The following DNASE1 variants were observed in gnomAD, a reference collection of about 807,000 sequenced individuals.
The protein encoded by DNASE1 is deoxyribonuclease 1.
In DNASE1, 40 loss-of-function variants were observed where a neutral mutation model predicts 33.9. That is an observed-to-expected ratio of 1.18 (90% CI 0.92 to 1.54). The LOEUF is 1.54. DNASE1 is among the 40% of genes most tolerant of loss of function. The pLI is 0.00. For synonymous variants in DNASE1, 216 were observed against 160.0 expected (o/e 1.35, Z -2.64); for missense variants, 518 against 372.6 (o/e 1.39, Z -3.21).
chr16:3,645,465 C>T (rs559710575), intron 1 of DNASE1, among the ~76,000 whole-genome samples: 8 of 152,248 alleles, frequency 5.3e-5, no homozygotes, highest in South Asian at 4.1e-4. Flanking sequence ...ACTCAGGCTG[C>T]GGGTGTGCTA....
chr16:3,625,227 G>T (rs1327319542), intron 1 of DNASE1, among the ~76,000 whole-genome samples: 2 of 152,120 alleles, frequency 1.3e-5, no homozygotes, highest in Non-Finnish European at 2.9e-5. Flanking sequence ...AATTGCTTGA[G>T]CCCTGGAGGC....
At chr16:3,656,213 C>A in intron 4 of DNASE1, 28 bp downstream of exon 4, 1 of 1,608,994 alleles carries the variant, frequency 6.2e-7, no homozygotes, top group Non-Finnish European at 8.5e-7. Flanking sequence ...CCAGGAAGCC[C>A]CTCCCTCACC....
At chr16:3,661,872 CAT>C (rs2043095810), downstream of DNASE1, 7 of 1,338,340 alleles carry the variant, frequency 5.2e-6, no homozygotes, top group Non-Finnish European at 6.9e-6. Flanking sequence ...TAGTTACCCA[CAT>C]GTCCACAGGC....
downstream of DNASE1, chr16:3,658,945 A>C (rs576115451): frequency 1.4e-6 from 2 of 1,438,744 alleles, no homozygotes; most frequent in African/African-American, 1.4e-5. Flanking sequence ...GATTATCAGG[A>C]TATTTAAAGA....
chr16:3,661,627 C>G (rs1473860063), downstream of DNASE1: 1 of 225,144 alleles, frequency 4.4e-6, no homozygotes, highest in Non-Finnish European at 8.6e-6. Flanking sequence ...GGGCAACCCT[C>G]ATGCCAAGTG....
At chr16:3,643,844 C>A (rs1274970286) in intron 1 of DNASE1, among the ~76,000 whole-genome samples, 1 of 152,194 alleles carries the variant, frequency 6.6e-6, no homozygotes. Context: ...TCACTGCAAG[C>A]TCTGCCATCC....
At chr16:3,624,490 CT>C (rs2041436250) in intron 1 of DNASE1, among the ~76,000 whole-genome samples, 1 of 152,210 alleles carries the variant, frequency 6.6e-6, no homozygotes, top group South Asian at 2.1e-4. Flanking sequence ...CTTGCCGCCC[CT>C]GGCTGAGTTC....
chr16:3,641,506 C>T (rs1467721463), upstream of DNASE1, among the ~76,000 whole-genome samples: 7 of 152,174 alleles, frequency 4.6e-5, no homozygotes, highest in African/African-American at 1.2e-4. Flanking sequence ...CATCTTCCAC[C>T]GACCACAGGC....
chr16:3,614,652 G>C (rs565534404), intron 1 of DNASE1, among the ~76,000 whole-genome samples: 9 of 152,292 alleles, frequency 5.9e-5, no homozygotes, highest in East Asian at 1.9e-4. Flanking sequence ...TTAGATAAAG[G>C]GGGGAGGCTG....
At chr16:3,617,001 G>T (rs1224714161) in intron 1 of DNASE1, among the ~76,000 whole-genome samples, 1 of 152,056 alleles carries the variant, frequency 6.6e-6, no homozygotes, top group Non-Finnish European at 1.5e-5. Flanking sequence ...AACTCAGAAT[G>T]GATCAAAGAC....
chr16:3,621,601 A>C (rs546631766), intron 1 of DNASE1, among the ~76,000 whole-genome samples: 5 of 152,150 alleles, frequency 3.3e-5, no homozygotes, highest in Admixed American at 2.6e-4. Flanking sequence ...CATTTTACCC[A>C]TTGTTCTGAA....
At chr16:3,663,537 T>C (rs1284762056) in exon 10 of DNASE1, 2 of 1,613,856 alleles carry the variant, frequency 1.2e-6, no homozygotes, top group Admixed American at 3.3e-5. Context: ...GGTGAGCTCA[T>C]CAAACTGCTC....
At chr16:3,632,740 C>G (rs2041738497) in intron 1 of DNASE1, among the ~76,000 whole-genome samples, 1 of 152,080 alleles carries the variant, frequency 6.6e-6, no homozygotes, top group Non-Finnish European at 1.5e-5. Context: ...CATCTGCCAC[C>G]ATGCCTGGGT....
rs142555752 is a variant in DNASE1, at chr16:3,623,398, A to G, written c.-1359+11392A>G. ...AGATCTTAGAAGAAACCCTAGGAAA[A>G]ACTCTTCTGGATATTAGCCTAGGCA... is the stretch of plus-strand genomic sequence containing the variant. On this transcript the variant is annotated intron_variant and NMD_transcript_variant, in intron 1 of 11. Coordinates refer to the DNASE1 transcript ENST00000570769. 6.7e-3 allele frequency among the ~76,000 whole-genome samples: 1,020 copies of G among 152,306 alleles called. 16 individuals are homozygous for G. The highest frequency in any genetic ancestry group is 0.023 in the African/African-American group (962 of 41,560).
intron 1 of DNASE1, among the ~76,000 whole-genome samples, chr16:3,643,825 G>A (rs1023664246): frequency 6.6e-6 from 1 of 151,992 alleles, no homozygotes; most frequent in Non-Finnish European, 1.5e-5. Context: ...GCAGTGGCGC[G>A]ATCTCGGCTC....
At chr16:3,615,325 G>A (rs1248334654) in intron 1 of DNASE1, among the ~76,000 whole-genome samples, 1 of 152,068 alleles carries the variant, frequency 6.6e-6, no homozygotes, top group Admixed American at 6.6e-5. Context: ...CCATAACTGG[G>A]GCACCTGCTT....
chr16:3,657,704 T>TCCCAACACCCATCAGGATCGTGG lies in DNASE1; in HGVS notation c.705-15_712dup, dbSNP rs1555460202. On this transcript the variant is annotated splice_polypyrimidine_tract_variant and intron_variant, in intron 7 of 8. Coordinates refer to ENST00000246949, the MANE Select transcript of DNASE1 (RefSeq NM_005223.4). ...TGTGAAAGGGGAACCTACTTTCTCT[T>TCCCAACACCCATCAGGATCGTGG]CCCAACACCCATCAGGATCGTGGTT... 84 of 1,613,794 alleles carry TCCCAACACCCATCAGGATCGTGG rather than the reference T, an allele frequency of 5.2e-5. No homozygotes were observed. The East Asian group carries it at 1.9e-3, about 36-fold the overall frequency.
chr16:3,621,174 C>T (rs990152302), intron 1 of DNASE1, among the ~76,000 whole-genome samples: 3 of 152,112 alleles, frequency 2.0e-5, no homozygotes, highest in African/African-American at 7.2e-5. Flanking sequence ...TAGACTCGAA[C>T]TCTTGGGCTC....
chr16:3,657,288 G>T lies in DNASE1; in HGVS notation c.651G>T (p.Leu217=). The part of the protein sequence containing the change: ...RLWTSPTFQW[L]IPDSADTTAT... The stretch of plus-strand genomic sequence containing the variant: ...GGACAAGCCCCACCTTCCAGTGGCT[G>T]ATCCCCGACAGCGCTGACACCACAG... Residue 217 remains leucine, a synonymous_variant, in exon 7 of 9, where the codon CTG becomes CTT. Transcript: ENST00000246949. 6.2e-7 allele frequency: 1 copy of T among 1,613,962 alleles called. No homozygotes were observed.
Sources: allele counts gnomAD v4.1 joint callset (sites outside exome capture counted in the v4.1 genomes callset), GRCh38; gene constraint gnomAD v4.1.1; transcripts MANE v1.5; gene names NCBI Gene and HGNC (gene_info 2026-07-23, HGNC 2026-07-21).